The following PTPRG variants were observed in gnomAD, a reference collection of about 807,000 sequenced individuals.
PTPRG encodes protein tyrosine phosphatase receptor type G, also known as receptor-type tyrosine-protein phosphatase gamma.
Under a neutral mutation model 165.3 loss-of-function variants are expected in PTPRG, and 102 were observed. The observed-to-expected ratio is 0.62, with a 90% CI of 0.53 to 0.73. PTPRG has a LOEUF of 0.73. Among genes scored for constraint, PTPRG ranks in the 30% least tolerant of loss-of-function variants. The pLI, the probability that PTPRG is intolerant of heterozygous loss-of-function variation, is 0.00. For missense variants in PTPRG, 1,866 were observed against 1,861.4 expected, an observed-to-expected ratio of 1.00 and a Z score of -0.05; for synonymous variants, 675 against 669.5, an observed-to-expected ratio of 1.01 and a Z score of -0.13.
chr3:62,267,783 CATT>C lies in PTPRG; in HGVS notation c.2839_2841del (p.Ile947del). The C allele has an allele frequency of 6.2e-7, 1 of 1,613,504 alleles. No homozygotes were observed. Among genetic ancestry groups the C allele is most frequent in the Non-Finnish European group, 8.5e-7 (1 of 1,179,522 alleles). Reference sequence around the variant, plus strand: ...TGATTTGGGAACAAAACACTGGAATCATTGTGATGATTACGAACCTTGTGGAAA... The same window carrying C: ...TGATTTGGGAACAAAACACTGGAATCGTGATGATTACGAACCTTGTGGAAA... On this transcript the variant is annotated inframe_deletion, in exon 19 of 30. Coordinates refer to ENST00000474889, the MANE Select transcript of PTPRG (RefSeq NM_002841.4).
intron 1 of PTPRG, among the ~76,000 whole-genome samples, chr3:61,740,321 A>T (rs900556887): frequency 5.9e-5 from 9 of 152,126 alleles, no homozygotes; most frequent in African/African-American, 2.2e-4. Context: ...GTGAGCCCAA[A>T]TTTTTTTAGG....
intron 28 of PTPRG, among the ~76,000 whole-genome samples, chr3:62,286,855 C>G (rs1262388123): frequency 1.3e-5 from 2 of 152,104 alleles, no homozygotes; most frequent in Non-Finnish European, 2.9e-5. Context: ...GATGAGCATT[C>G]TTTAATCCCA....
chr3:62,098,308 G>C (rs1576000304), intron 5 of PTPRG, among the ~76,000 whole-genome samples: 1 of 151,998 alleles, frequency 6.6e-6, no homozygotes, highest in African/African-American at 2.4e-5. Flanking sequence ...TAATACCATG[G>C]TTTGCATATC....
At chr3:62,135,267 T>A in intron 6 of PTPRG, among the ~76,000 whole-genome samples, 1 of 143,452 alleles carries the variant, frequency 7.0e-6, no homozygotes. Context: ...TGAGATTCTG[T>A]CTCAAAAAAA....
chr3:61,991,393 A>C (rs1351985448), intron 3 of PTPRG, among the ~76,000 whole-genome samples: 1 of 151,940 alleles, frequency 6.6e-6, no homozygotes, highest in Admixed American at 6.6e-5. Flanking sequence ...TTTAGTAGAG[A>C]CGGAATTTTG....
intron 2 of PTPRG, among the ~76,000 whole-genome samples, chr3:61,905,016 T>C (rs1455291577): frequency 6.6e-6 from 1 of 152,120 alleles, no homozygotes; most frequent in African/African-American, 2.4e-5. Context: ...AAAGGCTTTT[T>C]TTCCCCCAGT....
chr3:61,918,547 T>G (rs2038998777), intron 2 of PTPRG, among the ~76,000 whole-genome samples: 2 of 152,200 alleles, frequency 1.3e-5, no homozygotes, highest in Non-Finnish European at 2.9e-5. Flanking sequence ...CAAATAGTAC[T>G]GAGGATAGGA....
At position 61,792,704 on chromosome 3, in the gene PTPRG, CTT is replaced by C. The variant is rs1451958891; in HGVS notation, c.190+43724_190+43725del. Among the ~76,000 whole-genome samples, 3 of 112,334 alleles carry C rather than the reference CTT, an allele frequency of 2.7e-5. 1 individual carries two copies. In the East Asian group the frequency reaches 1.0e-3, roughly 38 times the overall value. 73.7% of individuals were successfully genotyped at this position (112,334 alleles called of 152,430 possible). ...TCTTTCTTTCTTTCTTTCTTTCTTT[CTT>C]TCTTTCTTTCTTTCTTTCTTTCTTT... On this transcript the variant is annotated intron_variant, in intron 2 of 29. Coordinates refer to ENST00000474889, the MANE Select transcript of PTPRG (RefSeq NM_002841.4).
At chr3:62,030,246 G>C (rs753660834) in intron 4 of PTPRG, among the ~76,000 whole-genome samples, 28 of 150,622 alleles carry the variant, frequency 1.9e-4, no homozygotes, top group Non-Finnish European at 3.4e-4. Context: ...TTTGAACTAA[G>C]GCAATGTTGA....
intron 5 of PTPRG, among the ~76,000 whole-genome samples, chr3:62,117,997 G>T (rs1195125030): frequency 6.6e-6 from 1 of 152,154 alleles, no homozygotes. Flanking sequence ...CTTGCCATGT[G>T]CCTGGCATCG....
At chr3:61,591,419 A>C (rs908521751) in intron 1 of PTPRG, among the ~76,000 whole-genome samples, 1 of 152,198 alleles carries the variant, frequency 6.6e-6, no homozygotes, top group Non-Finnish European at 1.5e-5. Context: ...TGATAATTGC[A>C]GGCCAAGTTT....
chr3:61,863,543 A>G (rs1249863659), intron 2 of PTPRG, among the ~76,000 whole-genome samples: 1 of 152,216 alleles, frequency 6.6e-6, no homozygotes, highest in Non-Finnish European at 1.5e-5. Flanking sequence ...TGTCCACAGG[A>G]CAGGAATTTG....
At chr3:61,719,217 G>A (rs1189096876) in intron 1 of PTPRG, among the ~76,000 whole-genome samples, 3 of 152,188 alleles carry the variant, frequency 2.0e-5, no homozygotes, top group Admixed American at 6.5e-5. Context: ...GTAGAAATTT[G>A]GGAGAAGGAA....
intron 2 of PTPRG, among the ~76,000 whole-genome samples, chr3:61,963,876 A>T (rs2040211223): frequency 1.3e-5 from 2 of 151,466 alleles, no homozygotes; most frequent in South Asian, 2.1e-4. Context: ...ATATATTTTA[A>T]AAAAAAAAGA....
intron 8 of PTPRG, among the ~76,000 whole-genome samples, chr3:62,184,872 C>T (rs529934005): frequency 2.6e-5 from 4 of 152,196 alleles, no homozygotes; most frequent in South Asian, 2.1e-4. Context: ...CCAGTTGCGT[C>T]GGGTGTGAAA....
At chr3:61,806,387 GT>G (rs2035418668) in intron 2 of PTPRG, among the ~76,000 whole-genome samples, 2 of 152,196 alleles carry the variant, frequency 1.3e-5, no homozygotes, top group African/African-American at 4.8e-5. Context: ...TCAAAAGGTA[GT>G]TGTAATGGAT....
At chr3:62,063,752 C>G (rs112908231) in intron 4 of PTPRG, among the ~76,000 whole-genome samples, 1,535 of 152,234 alleles carry the variant, frequency 0.01, 31 homozygotes, top group African/African-American at 0.034. Context: ...ATCCTCCTGC[C>G]TCATCCTCCC....
At chr3:62,072,738 C>G (rs571782377) in intron 4 of PTPRG, among the ~76,000 whole-genome samples, 1 of 152,188 alleles carries the variant, frequency 6.6e-6, no homozygotes, top group East Asian at 1.9e-4. Context: ...AACTTTCCTT[C>G]CCTTGCAAAA....
At chr3:62,062,111 C>T (rs1238090595) in intron 4 of PTPRG, among the ~76,000 whole-genome samples, 5 of 151,508 alleles carry the variant, frequency 3.3e-5, no homozygotes, top group Non-Finnish European at 7.4e-5. Flanking sequence ...ACCAGCCTGA[C>T]CAACATGGAG....
Sources: allele counts gnomAD v4.1 joint callset (sites outside exome capture counted in the v4.1 genomes callset), GRCh38; gene constraint gnomAD v4.1.1; transcripts MANE v1.5; gene names NCBI Gene and HGNC (gene_info 2026-07-23, HGNC 2026-07-21).